Variants in TM9SF3 observed in about 807,000 individuals in gnomAD.
TM9SF3 encodes transmembrane 9 superfamily member 3.
Under a neutral mutation model 78.6 loss-of-function variants are expected in TM9SF3, and 14 were observed. That is an observed-to-expected ratio of 0.18 (90% CI 0.12 to 0.28). The LOEUF (loss-of-function observed/expected upper bound fraction) is 0.28, where lower values mean the gene tolerates loss of function less well. Among genes scored for constraint, TM9SF3 ranks in the 10% least tolerant of loss-of-function variants. TM9SF3 has a pLI of 1.00. For synonymous variants in TM9SF3, 231 were observed against 241.7 expected (o/e 0.96, Z 0.41); for missense variants, 496 against 721.9 (o/e 0.69, Z 3.59).
intron 1 of TM9SF3, among the ~76,000 whole-genome samples, chr10:96,579,771 A>G (rs1225794589): frequency 6.6e-6 from 1 of 152,190 alleles, no homozygotes; most frequent in Non-Finnish European, 1.5e-5. Context: ...GGTTTAATAC[A>G]ATTAACTTAA....
chr10:96,540,537 T>C (rs987421115), intron 9 of TM9SF3, among the ~76,000 whole-genome samples: 1 of 152,130 alleles, frequency 6.6e-6, no homozygotes, highest in Non-Finnish European at 1.5e-5. Flanking sequence ...TACCAGGGAA[T>C]CTTTCCTCTT....
chr10:96,555,020 G>A (rs115418981), intron 5 of TM9SF3, among the ~76,000 whole-genome samples: 1,653 of 149,442 alleles, frequency 0.011, 31 homozygotes, highest in African/African-American at 0.038. Context: ...TGGCCTCCTG[G>A]TTGGCCTTTT....
chr10:96,561,223 T>C (rs1848304510), intron 4 of TM9SF3, among the ~76,000 whole-genome samples: 1 of 150,344 alleles, frequency 6.7e-6, no homozygotes. Context: ...CGTATCTCCT[T>C]AGCTGCTCAA....
At chr10:96,551,215 G>A (rs1048693263) in intron 7 of TM9SF3, 30 bp downstream of exon 7, 14 of 1,551,578 alleles carry the variant, frequency 9.0e-6, no homozygotes, top group Non-Finnish European at 1.2e-5. Flanking sequence ...GAACAATAAA[G>A]ACATAATACA....
intron 9 of TM9SF3, among the ~76,000 whole-genome samples, chr10:96,541,621 T>C (rs1318120867): frequency 2.0e-5 from 3 of 152,156 alleles, no homozygotes; most frequent in East Asian, 1.9e-4. Context: ...TGACCTCAAG[T>C]GATCCGCCCA....
At chr10:96,556,118 C>T (rs554473863) in intron 5 of TM9SF3, among the ~76,000 whole-genome samples, 4 of 152,106 alleles carry the variant, frequency 2.6e-5, no homozygotes, top group African/African-American at 9.6e-5. Context: ...AATTATTATA[C>T]CAGGGAAAAT....
At chr10:96,549,862 T>C (rs1425477581) in intron 7 of TM9SF3, among the ~76,000 whole-genome samples, 1 of 145,776 alleles carries the variant, frequency 6.9e-6, no homozygotes, top group African/African-American at 2.5e-5. Flanking sequence ...AACACTAACA[T>C]TTTGAAAAGG....
chr10:96,562,214 A>T, intron 3 of TM9SF3, 76 bp from the exon 4 acceptor site: 1 of 1,045,734 alleles, frequency 9.6e-7, no homozygotes, highest in Non-Finnish European at 1.3e-6. Flanking sequence ...AATGCTCATT[A>T]AGTTTTTTTT....
At chr10:96,526,755 T>C (rs999368556) in intron 14 of TM9SF3, among the ~76,000 whole-genome samples, 1 of 152,110 alleles carries the variant, frequency 6.6e-6, no homozygotes, top group Non-Finnish European at 1.5e-5. Flanking sequence ...AGGTGTCTCC[T>C]GGTTTCTCCA....
At chr10:96,572,751 C>T (rs1848451223) in intron 2 of TM9SF3, among the ~76,000 whole-genome samples, 1 of 151,830 alleles carries the variant, frequency 6.6e-6, no homozygotes, top group Non-Finnish European at 1.5e-5. Flanking sequence ...CCCCTGACCT[C>T]GTGATCCACC....
chr10:96,535,886 A>G (rs1220468224), intron 9 of TM9SF3, among the ~76,000 whole-genome samples: 1 of 152,254 alleles, frequency 6.6e-6, no homozygotes, highest in African/African-American at 2.4e-5. Flanking sequence ...CCTACAGGCC[A>G]ATATCTCTCA....
chr10:96,549,463 T>C (rs1050219984), intron 7 of TM9SF3, among the ~76,000 whole-genome samples: 1 of 152,204 alleles, frequency 6.6e-6, no homozygotes, highest in Non-Finnish European at 1.5e-5. Flanking sequence ...AGGGTGCTCA[T>C]TGATCTCAGT....
intron 11 of TM9SF3, among the ~76,000 whole-genome samples, chr10:96,529,804 T>C (rs1847876912): frequency 6.6e-6 from 1 of 152,122 alleles, no homozygotes; most frequent in Admixed American, 6.6e-5. Flanking sequence ...CAGGAGACAA[T>C]CAGCAGTGGG....
intron 14 of TM9SF3, among the ~76,000 whole-genome samples, chr10:96,523,221 AT>A (rs534673379): frequency 1.3e-5 from 2 of 151,996 alleles, no homozygotes; most frequent in East Asian, 1.9e-4. Flanking sequence ...AGAAATCTCC[AT>A]TGGCCTCAGG....
Position 96,518,952 on chromosome 10 carries a change from T to G in TM9SF3, c.*3311A>C, listed in dbSNP as rs780579403. Reference sequence around the variant, plus strand: ...TTTATTACATGTTCCAATAAACCAATAGAATGAAGCACTAAGACACGGTGA... The same window carrying G: ...TTTATTACATGTTCCAATAAACCAAGAGAATGAAGCACTAAGACACGGTGA... On this transcript the variant is annotated 3_prime_UTR_variant, in exon 15 of 15. Transcript: ENST00000371142. The G allele has an allele frequency of 6.6e-6, 1 of 152,018 alleles. No homozygotes were observed. The highest frequency in any genetic ancestry group is 6.6e-5 in the Admixed American group (1 of 15,260). 9.4% of individuals were successfully genotyped at this position (152,018 alleles called of 1,614,324 possible).
chr10:96,547,631 C>T (rs2134141131), intron 8 of TM9SF3, among the ~76,000 whole-genome samples: 1 of 152,146 alleles, frequency 6.6e-6, no homozygotes, highest in Middle Eastern at 3.4e-3. Context: ...AGCAGCCTGG[C>T]TAACATGGTG....
At chr10:96,563,337 G>A (rs891846379) in intron 3 of TM9SF3, among the ~76,000 whole-genome samples, 16 of 151,822 alleles carry the variant, frequency 1.1e-4, no homozygotes, top group Middle Eastern at 6.8e-3. Flanking sequence ...TATTACAGGC[G>A]TGAGCCACCA....
intron 6 of TM9SF3, among the ~76,000 whole-genome samples, chr10:96,552,108 C>T (rs960060774): frequency 1.3e-5 from 2 of 152,054 alleles, no homozygotes; most frequent in African/African-American, 4.8e-5. Flanking sequence ...GCTTTATCCA[C>T]CCTCTGATAC....
At chr10:96,545,893 ATC>A (rs1179921789) in intron 8 of TM9SF3, among the ~76,000 whole-genome samples, 1 of 7,506 alleles carries the variant, frequency 1.3e-4, no homozygotes, top group Non-Finnish European at 5.3e-4. Flanking sequence ...CCATCTCAAA[ATC>A]AATCAATCAA....
Sources: gnomAD v4.1 joint callset for allele counts (sites outside exome capture counted in the v4.1 genomes callset) on GRCh38, gnomAD v4.1.1 for gene constraint, MANE v1.5 for transcripts, NCBI Gene and HGNC (gene_info 2026-07-23, HGNC 2026-07-21) for gene names.